The following FYB1 variants were observed in gnomAD, a reference collection of about 807,000 sequenced individuals.
FYB1 encodes FYN-binding protein 1.
Under a neutral mutation model 94.1 loss-of-function variants are expected in FYB1, and 41 were observed. The ratio of observed to expected loss-of-function variants is 0.44; its 90% CI spans 0.34 to 0.57. FYB1 has a LOEUF of 0.57. Among genes scored for constraint, FYB1 ranks in the 20% least tolerant of loss-of-function variants. The pLI, the probability that FYB1 is intolerant of heterozygous loss-of-function variation, is 0.02. For missense variants in FYB1, 1,050 were observed against 976.8 expected, an observed-to-expected ratio of 1.07 and a Z score of -1.00; for synonymous variants, 367 against 353.2, an observed-to-expected ratio of 1.04 and a Z score of -0.44.
chr5:39,202,075 G>T lies in FYB1; in HGVS notation c.886C>A (p.Gln296Lys). 6.2e-7 allele frequency: 1 copy of T among 1,613,996 alleles called. No individual in the cohort carries two copies. The highest frequency in any genetic ancestry group is 8.5e-7 in the Non-Finnish European group (1 of 1,179,900). ...RKIDAAKNTF[Q>K]SKINQEELAS... ...AACTCTTCCTGATTTATTTTGCTCT[G>T]GAAGGTGTTCTTAGCAGCATCTATC... Residue 296 changes from glutamine to lysine, a missense_variant, in exon 2 of 19, where the codon CAG becomes AAG. By Grantham distance (53) the Gln-to-Lys change is moderately conservative (BLOSUM62 1). Transcript: ENST00000512982.
rs191708335 is a variant in FYB1, at chr5:39,213,808, T to C, written c.-28+5635A>G. Among the ~76,000 whole-genome samples the C allele has an allele frequency of 6.6e-4, 100 of 152,240 alleles. No homozygotes were observed. The Middle Eastern group carries it at 0.014, about 21-fold the overall frequency. On this transcript the variant is annotated intron_variant, in intron 1 of 18. Transcript: ENST00000512982. ...AGTTTAGGGGCCCAGGACACCATTC[T>C]GGTTCATTCATTGTCTGCCTGAGAT... is the stretch of plus-strand genomic sequence containing the variant.
At chr5:39,255,696 A>G (rs1405027246) in intron 1 of FYB1, among the ~76,000 whole-genome samples, 8 of 152,048 alleles carry the variant, frequency 5.3e-5, no homozygotes, top group African/African-American at 1.9e-4. Context: ...CCAGAACTGT[A>G]TACTTTAAAG....
intron 1 of FYB1, among the ~76,000 whole-genome samples, chr5:39,230,487 T>C (rs1750672106): frequency 6.6e-6 from 1 of 152,102 alleles, no homozygotes; most frequent in Non-Finnish European, 1.5e-5. Context: ...AAATTTCTGT[T>C]GCTTTAGGCC....
At chr5:39,151,048 C>T (rs762908607) in intron 3 of FYB1, among the ~76,000 whole-genome samples, 12 of 152,246 alleles carry the variant, frequency 7.9e-5, no homozygotes, top group East Asian at 5.8e-4. Context: ...TCTCTACCTG[C>T]GCTCTGTGCC....
At chr5:39,270,589 G>T (rs1339695158) in intron 1 of FYB1, 3 of 1,535,048 alleles carry the variant, frequency 2.0e-6, no homozygotes, top group Non-Finnish European at 2.6e-6. Flanking sequence ...GAAAAGAGTT[G>T]ATATGCCTGG....
intron 3 of FYB1, among the ~76,000 whole-genome samples, chr5:39,144,003 A>G (rs75910057): frequency 0.011 from 1,706 of 152,362 alleles, 39 homozygotes; most frequent in African/African-American, 0.039. Context: ...AAATACAGAC[A>G]TGATGGAATA....
intron 12 of FYB1, among the ~76,000 whole-genome samples, chr5:39,125,739 T>C (rs946902191): frequency 6.6e-6 from 1 of 152,142 alleles, no homozygotes; most frequent in Admixed American, 6.6e-5. Context: ...TGTACATGTG[T>C]GTTTTTGTGC....
chr5:39,271,804 T>A (rs918700337), intron 1 of FYB1, among the ~76,000 whole-genome samples: 1 of 152,156 alleles, frequency 6.6e-6, no homozygotes. Flanking sequence ...CAGAATCTGG[T>A]GGATGGTCAG....
At chr5:39,227,039 C>T (rs1251752587) in intron 1 of FYB1, among the ~76,000 whole-genome samples, 1 of 152,212 alleles carries the variant, frequency 6.6e-6, no homozygotes, top group African/African-American at 2.4e-5. Context: ...ATAAAACTCA[C>T]AGCATAAATC....
intron 1 of FYB1, among the ~76,000 whole-genome samples, chr5:39,215,185 A>G (rs1475468872): frequency 6.6e-6 from 1 of 152,226 alleles, no homozygotes; most frequent in Non-Finnish European, 1.5e-5. Context: ...CACATTTTAT[A>G]TTATGTATAT....
chr5:39,139,128 T>C, intron 5 of FYB1, 105 bp downstream of exon 5: 1 of 1,158,724 alleles, frequency 8.6e-7, no homozygotes, highest in African/African-American at 1.6e-5. Context: ...TCATTGCTCA[T>C]AAGGATTTTC....
At position 39,121,930 on chromosome 5, in the gene FYB1, A is replaced by C. The variant is rs969082728; in HGVS notation, c.2138+406T>G. Among the ~76,000 whole-genome samples, 47 of 152,176 alleles carry C rather than the reference A, an allele frequency of 3.1e-4. 1 individual carries two copies. The highest frequency in any genetic ancestry group is 1.1e-3 in the African/African-American group (46 of 41,438). ...GCTAAGAAGTATATTCAAGAAAAAA[A>C]GGTTTGGGGAAAACAGTATGAATAA... On this transcript the variant is annotated intron_variant, in intron 14 of 18. Coordinates refer to ENST00000512982, the MANE Select transcript of FYB1 (RefSeq NM_001465.6).
chr5:39,138,906 G>A, intron 5 of FYB1: 1 of 594,606 alleles, frequency 1.7e-6, no homozygotes, highest in Non-Finnish European at 3.0e-6. Context: ...ACTATTGTAT[G>A]TAAGTTTGGC....
At chr5:39,237,346 A>G (rs1341443670) in intron 1 of FYB1, among the ~76,000 whole-genome samples, 1 of 152,096 alleles carries the variant, frequency 6.6e-6, no homozygotes, top group Admixed American at 6.6e-5. Context: ...GGCAAATACG[A>G]AAGATATTTT....
At chr5:39,161,588 GTT>G (rs562344040) in intron 2 of FYB1, among the ~76,000 whole-genome samples, 8 of 143,022 alleles carry the variant, frequency 5.6e-5, no homozygotes, top group African/African-American at 2.0e-4. Flanking sequence ...GAGCAATCTG[GTT>G]TTTTTTTTTT....
intron 1 of FYB1, among the ~76,000 whole-genome samples, chr5:39,259,357 G>A (rs1244808947): frequency 2.0e-5 from 3 of 152,204 alleles, no homozygotes; most frequent in Admixed American, 6.5e-5. Context: ...TAGGCTGGTT[G>A]ATTTAGTAAC....
intron 2 of FYB1, among the ~76,000 whole-genome samples, chr5:39,186,341 T>C (rs1009812437): frequency 3.9e-5 from 6 of 152,132 alleles, no homozygotes; most frequent in Admixed American, 3.3e-4. Context: ...GGAGAATCAC[T>C]TGAACCTGGG....
At chr5:39,190,171 A>G (rs2150456347) in intron 2 of FYB1, among the ~76,000 whole-genome samples, 1 of 152,374 alleles carries the variant, frequency 6.6e-6, no homozygotes, top group Middle Eastern at 3.4e-3. Context: ...AGAATTCAGC[A>G]ATCTCTTCAA....
At chr5:39,245,796 C>T (rs1040822249) in intron 1 of FYB1, among the ~76,000 whole-genome samples, 4 of 152,060 alleles carry the variant, frequency 2.6e-5, no homozygotes, top group Non-Finnish European at 5.9e-5. Context: ...ACGCGGGTTT[C>T]GCCATGTCGG....
Sources: allele counts gnomAD v4.1 joint callset (sites outside exome capture counted in the v4.1 genomes callset), GRCh38; gene constraint gnomAD v4.1.1; transcripts MANE v1.5; gene names NCBI Gene and HGNC (gene_info 2026-07-23, HGNC 2026-07-21).